ACTN4: variants seen among roughly 807,000 people sequenced by gnomAD.
ACTN4 encodes the protein actinin alpha 4, also known as alpha-actinin-4.
In ACTN4, 18 loss-of-function variants were observed where a neutral mutation model predicts 114.2. The ratio of observed to expected loss-of-function variants is 0.16; its 90% CI spans 0.11 to 0.23. ACTN4 has a LOEUF of 0.23. Among genes scored for constraint, ACTN4 ranks in the 10% least tolerant of loss-of-function variants. The probability of loss-of-function intolerance (pLI) is 1.00; values close to 1 mark genes in which losing one functional copy is unlikely to be tolerated. For missense variants in ACTN4, 722 were observed against 1,262.9 expected (o/e 0.57, Z 6.49); for synonymous variants, 515 against 506.3 (o/e 1.02, Z -0.23).
In ACTN4 at chr19:38,717,816, G is replaced by A; in HGVS notation, c.1144-111G>A. ...AGGTATAATAGCAAAGCATGACACA[G>A]ACATGACCCCAGCCAAGTTCTGCCA... is the stretch of plus-strand genomic sequence containing the variant. On this transcript the variant is annotated intron_variant, in intron 10 of 20. Transcript: ENST00000252699. The surrounding 1 kb of genome is among the most constrained non-coding windows in gnomAD (Gnocchi z 4.0). 1 of 1,430,442 alleles carries A rather than the reference G, an allele frequency of 7.0e-7. No individual in the cohort carries two copies. The highest frequency in any genetic ancestry group is 9.6e-7 in the Non-Finnish European group (1 of 1,043,840). 88.6% of individuals were successfully genotyped at this position (1,430,442 alleles called of 1,614,324 possible).
intron 1 of ACTN4, among the ~76,000 whole-genome samples, chr19:38,650,976 G>A (rs1442662482): frequency 2.0e-5 from 3 of 152,058 alleles, no homozygotes; most frequent in East Asian, 1.9e-4. Context: ...CAGGAGATCC[G>A]CCCGCCTCGG....
chr19:38,717,047 G>T lies in ACTN4; in HGVS notation c.913-39G>T, dbSNP rs763002280. 3.2e-6 allele frequency: 5 copies of T among 1,586,694 alleles called. No individual in the cohort carries two copies. The highest frequency in any genetic ancestry group is 4.3e-6 in the Non-Finnish European group (5 of 1,165,056). On this transcript the variant is annotated intron_variant, in intron 9 of 20. Transcript: ENST00000252699. The surrounding 1 kb of genome is among the most constrained non-coding windows in gnomAD (Gnocchi z 4.0). ...GGGGCAGCCCGTCAGCACTCTGAGG[G>T]TCCCCCACAAAGGCCACGCTGGCTT...
chr19:38,675,907 T>C (rs1306111225), intron 1 of ACTN4, among the ~76,000 whole-genome samples: 1 of 152,192 alleles, frequency 6.6e-6, no homozygotes, highest in East Asian at 1.9e-4. Context: ...GTTGGAAGGC[T>C]GTAGACTTGG....
intron 1 of ACTN4, among the ~76,000 whole-genome samples, chr19:38,687,353 T>C (rs1166378628): frequency 6.6e-6 from 1 of 152,202 alleles, no homozygotes; most frequent in African/African-American, 2.4e-5. Context: ...CAGCCCTCAC[T>C]TCATGTTAGA....
intron 1 of ACTN4, 75 bp from the exon 2 acceptor site, chr19:38,700,525 G>A (rs778768133): frequency 2.4e-6 from 3 of 1,251,746 alleles, no homozygotes; most frequent in Admixed American, 1.7e-5. Flanking sequence ...TCAGAGCTGC[G>A]GCCCTGCAGG....
chr19:38,725,052 A>G (rs1033981445), intron 16 of ACTN4, among the ~76,000 whole-genome samples: 2 of 152,140 alleles, frequency 1.3e-5, no homozygotes, highest in East Asian at 1.9e-4. Context: ...CTGTCCTCCC[A>G]GCTCTAAAAT....
chr19:38,700,728 C>G lies in ACTN4; in HGVS notation c.277+14C>G. On this transcript the variant is annotated intron_variant, in intron 2 of 20. Transcript: ENST00000252699. ...AGGTCATATCAGGTGAGACTCCCAG[C>G]CACGCAGTGCGGCCGAGCCCTGGCA... 3.7e-6 allele frequency: 6 copies of G among 1,605,816 alleles called. No individual in the cohort carries two copies. The highest frequency in any genetic ancestry group is 5.1e-6 in the Non-Finnish European group (6 of 1,172,948).
rs3786846 is a variant in ACTN4 at position 38,713,589 on chromosome 19, G to A, written c.820-880G>A. 1.5e-3 allele frequency among the ~76,000 whole-genome samples: 233 copies of A among 152,232 alleles called. 2 individuals are homozygous for A. Among genetic ancestry groups the A allele is most frequent in the East Asian group, 9.7e-3 (50 of 5,160 alleles). On this transcript the variant is annotated intron_variant, in intron 8 of 20. Coordinates refer to ENST00000252699, the MANE Select transcript of ACTN4 (RefSeq NM_004924.6). ...TGCGCTCACACGAGCACCGGCTGCC[G>A]CCTCCCCGCCTGTCTCCAGGTGCCA...
intron 1 of ACTN4, among the ~76,000 whole-genome samples, chr19:38,663,346 CTG>C (rs1358137202): frequency 1.3e-5 from 2 of 152,230 alleles, no homozygotes; most frequent in African/African-American, 2.4e-5. Flanking sequence ...GAGCAGAGCT[CTG>C]TGCCGAGCCT....
chr19:38,650,960 C>T (rs1279700660), intron 1 of ACTN4, among the ~76,000 whole-genome samples: 3 of 152,108 alleles, frequency 2.0e-5, no homozygotes, highest in Admixed American at 1.3e-4. Flanking sequence ...CTCAAACTCC[C>T]GACCCCAGGA....
chr19:38,675,782 G>A (rs772917378), intron 1 of ACTN4, among the ~76,000 whole-genome samples: 1 of 152,184 alleles, frequency 6.6e-6, no homozygotes, highest in Non-Finnish European at 1.5e-5. Context: ...AGGCCTCATA[G>A]AGCACAAGGC....
intron 1 of ACTN4, among the ~76,000 whole-genome samples, chr19:38,697,130 C>A (rs1343076229): frequency 2.0e-5 from 3 of 152,334 alleles, no homozygotes; most frequent in Admixed American, 1.3e-4. Flanking sequence ...GTTTACTACC[C>A]AGAGAAGATG....
intron 1 of ACTN4, among the ~76,000 whole-genome samples, chr19:38,650,369 G>A (rs55761044): frequency 5.2e-4 from 79 of 152,160 alleles, no homozygotes; most frequent in Non-Finnish European, 9.4e-4. Flanking sequence ...GCCCTGGGTG[G>A]AAACCAGGAC....
intron 9 of ACTN4, 136 bp from the exon 10 acceptor site, chr19:38,716,950 G>T: frequency 2.1e-6 from 2 of 951,148 alleles, no homozygotes; most frequent in Non-Finnish European, 1.6e-6. Flanking sequence ...TGGAGAAGTT[G>T]GGCTGGGGAG....
At chr19:38,690,714 C>G (rs1236005505) in intron 1 of ACTN4, among the ~76,000 whole-genome samples, 1 of 152,236 alleles carries the variant, frequency 6.6e-6, no homozygotes. Flanking sequence ...GCTGGGATTA[C>G]AGGCGTGAGC....
chr19:38,670,675 A>G (rs1967099242), intron 1 of ACTN4, among the ~76,000 whole-genome samples: 2 of 152,162 alleles, frequency 1.3e-5, no homozygotes. Context: ...CTGTAATCCC[A>G]GCACTTTGGG....
In ACTN4 at chr19:38,647,763, G is replaced by A; in HGVS notation, c.18G>A (p.Ala6=). MVDYH[A]ANQSYQYGPS... ...GCGGCGGAATGGTGGACTACCACGC[G>A]GCGAACCAGTCGTACCAGTACGGCC... The change falls in exon 1 of 21, where the codon GCG becomes GCA. Residue 6 remains alanine, a synonymous_variant. Transcript: ENST00000252699. The A allele has an allele frequency of 1.3e-6, 2 of 1,551,692 alleles. No individual in the cohort carries two copies. The highest frequency in any genetic ancestry group is 1.7e-6 in the Non-Finnish European group (2 of 1,150,746).
At chr19:38,711,197 C>T in intron 8 of ACTN4, 1 of 715,544 alleles carries the variant, frequency 1.4e-6, no homozygotes, top group African/African-American at 1.9e-5. Flanking sequence ...CTGCATGAGC[C>T]TCAGGCCGGC....
chr19:38,675,115 G>A (rs901387976), intron 1 of ACTN4, among the ~76,000 whole-genome samples: 1 of 152,212 alleles, frequency 6.6e-6, no homozygotes, highest in Non-Finnish European at 1.5e-5. Context: ...ATAGCAGTAG[G>A]AGTTGTTTTC....
Sources: allele counts gnomAD v4.1 joint callset (sites outside exome capture counted in the v4.1 genomes callset), GRCh38; gene constraint gnomAD v4.1.1; non-coding constraint Gnocchi (gnomAD v3.1); transcripts MANE v1.5; gene names NCBI Gene and HGNC (gene_info 2026-07-23, HGNC 2026-07-21).